SEMA5A: variants seen among roughly 807,000 people sequenced by gnomAD.
The protein encoded by SEMA5A is semaphorin-5A.
Under a neutral mutation model 135.5 loss-of-function variants are expected in SEMA5A, and 55 were observed. That is an observed-to-expected ratio of 0.41 (90% CI 0.33 to 0.51). The LOEUF is 0.51. Among genes scored for constraint, SEMA5A ranks in the 20% least tolerant of loss-of-function variants. SEMA5A has a pLI of 0.37. For missense variants in SEMA5A, 1,290 were observed against 1,419.9 expected (o/e 0.91, Z 1.47); for synonymous variants, 580 against 546.5 (o/e 1.06, Z -0.85).
intron 16 of SEMA5A, among the ~76,000 whole-genome samples, chr5:9,103,286 A>G (rs1739727090): frequency 6.6e-6 from 1 of 152,194 alleles, no homozygotes. Context: ...GTGCTACACA[A>G]AAATGTGATA....
chr5:9,192,811 A>G (rs375662311), intron 10 of SEMA5A, among the ~76,000 whole-genome samples: 1 of 152,200 alleles, frequency 6.6e-6, no homozygotes, highest in African/African-American at 2.4e-5. Context: ...GGCGGCAGTT[A>G]GCTGCCTACC....
intron 13 of SEMA5A, among the ~76,000 whole-genome samples, chr5:9,134,348 A>G (rs1741612627): frequency 6.6e-6 from 1 of 151,800 alleles, no homozygotes; most frequent in African/African-American, 2.4e-5. Context: ...GGGCCTTGCT[A>G]TGTTGCCCAG....
At chr5:9,303,396 A>C (rs1488072309) in intron 5 of SEMA5A, among the ~76,000 whole-genome samples, 1 of 152,180 alleles carries the variant, frequency 6.6e-6, no homozygotes, top group African/African-American at 2.4e-5. Context: ...GAACTTGAAT[A>C]TATTTTAAAA....
At chr5:9,157,525 C>A (rs959967990) in intron 11 of SEMA5A, among the ~76,000 whole-genome samples, 3 of 152,184 alleles carry the variant, frequency 2.0e-5, no homozygotes, top group Non-Finnish European at 4.4e-5. Context: ...CCACAGCTCA[C>A]CTAGTTCTCG....
chr5:9,120,279 G>A (rs891486175), intron 14 of SEMA5A, among the ~76,000 whole-genome samples: 4 of 151,938 alleles, frequency 2.6e-5, no homozygotes, highest in African/African-American at 7.2e-5. Flanking sequence ...TTTACTTCGT[G>A]TATTTCCTTT....
At chr5:9,082,579 C>T (rs1411153161) in intron 16 of SEMA5A, among the ~76,000 whole-genome samples, 1 of 152,198 alleles carries the variant, frequency 6.6e-6, no homozygotes, top group African/African-American at 2.4e-5. Flanking sequence ...CCCTTCAATC[C>T]TTAACCTAGT....
At chr5:9,047,257 A>G (rs1736315595) in intron 21 of SEMA5A, among the ~76,000 whole-genome samples, 1 of 152,252 alleles carries the variant, frequency 6.6e-6, no homozygotes, top group South Asian at 2.1e-4. Context: ...GGGAAGATGC[A>G]TGATAGTCTC....
chr5:9,053,962 T>C, intron 19 of SEMA5A, 125 bp downstream of exon 19: 2 of 1,047,908 alleles, frequency 1.9e-6, no homozygotes, highest in Non-Finnish European at 2.7e-6. Flanking sequence ...TAATAGCATG[T>C]TGCTAACTTG....
At chr5:9,279,628 G>A (rs962685698) in intron 5 of SEMA5A, among the ~76,000 whole-genome samples, 10 of 152,140 alleles carry the variant, frequency 6.6e-5, no homozygotes, top group Non-Finnish European at 1.3e-4. Context: ...GAGGGGCCTA[G>A]TGGAAGGTGA....
chr5:9,054,110 A>T lies in SEMA5A; in HGVS notation c.2666T>A (p.Leu889His), dbSNP rs767743434. 1 of 1,612,292 alleles carries T rather than the reference A, an allele frequency of 6.2e-7. No individual in the cohort carries two copies. Among genetic ancestry groups the T allele is most frequent in the African/African-American group, 1.3e-5 (1 of 74,874 alleles). ...ACCTGGGCAGGGCTGCGTGTTGCAG[A>T]GTGCCTCTTCTGTGTGCAGCCCCAG... ...ICLGLHTEEALCNTQPCPESW... is the reference protein window; with the variant it reads ...ICLGLHTEEAHCNTQPCPESW... Residue 889 changes from leucine to histidine, a missense_variant, in exon 19 of 23, where the codon CTC becomes CAC. By Grantham distance (99) the Leu-to-His change is moderately conservative. Coordinates refer to ENST00000382496, the MANE Select transcript of SEMA5A (RefSeq NM_003966.3).
intron 1 of SEMA5A, among the ~76,000 whole-genome samples, chr5:9,506,836 T>C (rs976804229): frequency 6.6e-6 from 1 of 152,224 alleles, no homozygotes; most frequent in Non-Finnish European, 1.5e-5. Flanking sequence ...TCCCCCTCTA[T>C]GTGCTATCCG....
intron 17 of SEMA5A, among the ~76,000 whole-genome samples, chr5:9,065,178 G>A (rs139173078): frequency 6.6e-6 from 1 of 152,200 alleles, no homozygotes; most frequent in African/African-American, 2.4e-5. Context: ...GAGGAGAGGA[G>A]AGAGTTAATG....
chr5:9,143,197 A>G (rs907646538), intron 12 of SEMA5A, among the ~76,000 whole-genome samples: 2 of 152,208 alleles, frequency 1.3e-5, no homozygotes, highest in Non-Finnish European at 2.9e-5. Flanking sequence ...AGATGCATAC[A>G]GTTGTTATAA....
intron 16 of SEMA5A, among the ~76,000 whole-genome samples, chr5:9,077,258 A>C (rs907024112): frequency 6.6e-6 from 1 of 152,178 alleles, no homozygotes; most frequent in African/African-American, 2.4e-5. Flanking sequence ...AGCCATCCCA[A>C]ATAAACACCC....
intron 5 of SEMA5A, among the ~76,000 whole-genome samples, chr5:9,269,589 A>G (rs1336227857): frequency 6.6e-6 from 1 of 152,140 alleles, no homozygotes; most frequent in East Asian, 1.9e-4. Flanking sequence ...AATGTTCATG[A>G]AAATATTCTT....
At chr5:9,373,071 A>G (rs940162403) in intron 3 of SEMA5A, among the ~76,000 whole-genome samples, 1 of 152,196 alleles carries the variant, frequency 6.6e-6, no homozygotes, top group Non-Finnish European at 1.5e-5. Context: ...GAAGGGCAGA[A>G]AGAGCTTCTT....
chr5:9,380,678 A>C (rs80354509), intron 2 of SEMA5A, among the ~76,000 whole-genome samples: 3,503 of 152,344 alleles, frequency 0.023, 67 homozygotes, highest in Non-Finnish European at 0.037. Context: ...AAATAAAAGT[A>C]CTATGCTTGG....
At chr5:9,403,711 A>G (rs1372190473) in intron 2 of SEMA5A, among the ~76,000 whole-genome samples, 2 of 152,164 alleles carry the variant, frequency 1.3e-5, no homozygotes, top group Non-Finnish European at 2.9e-5. Context: ...TCTTTGCTGA[A>G]TGCTCCTTGA....
chr5:9,227,688 C>T lies in SEMA5A; in HGVS notation c.334-721G>A, dbSNP rs3846584. Among the ~76,000 whole-genome samples, 1,184 of 151,926 alleles carry T rather than the reference C, an allele frequency of 7.8e-3. 16 individuals carry two copies. The highest frequency in any genetic ancestry group is 0.028 in the African/African-American group (1,146 of 41,458). ...GCCTCAGCCTCCCGAGTAGCTGGGA[C>T]TACAGGTGCCCGCCACCACGCCCGG... On this transcript the variant is annotated intron_variant, in intron 6 of 22. Transcript: ENST00000382496.
Sources: allele counts gnomAD v4.1 joint callset (sites outside exome capture counted in the v4.1 genomes callset), GRCh38; gene constraint gnomAD v4.1.1; transcripts MANE v1.5; gene names NCBI Gene and HGNC (gene_info 2026-07-23, HGNC 2026-07-21).